PAX7: variants seen among roughly 807,000 people sequenced by gnomAD.
PAX7 encodes paired box 7, also known as paired box protein Pax-7.
A neutral mutation model predicts 50.7 loss-of-function variants in PAX7; 18 were observed. The ratio of observed to expected loss-of-function variants is 0.36; its 90% CI spans 0.25 to 0.53. The LOEUF is 0.53. PAX7 is among the 20% of genes least tolerant of loss of function. PAX7 has a pLI of 0.93. For missense variants in PAX7, 644 were observed against 702.9 expected, an observed-to-expected ratio of 0.92 and a Z score of 0.95; for synonymous variants, 310 against 290.4, an observed-to-expected ratio of 1.07 and a Z score of -0.69.
intron 4 of PAX7, among the ~76,000 whole-genome samples, chr1:18,691,535 A>G (rs992054448): frequency 6.6e-6 from 1 of 152,346 alleles, no homozygotes; most frequent in East Asian, 1.9e-4. Flanking sequence ...TATTTAAGCA[A>G]TACTCTAGGG....
chr1:18,686,007 G>A (rs781247600), intron 4 of PAX7, among the ~76,000 whole-genome samples: 18 of 152,282 alleles, frequency 1.2e-4, no homozygotes, highest in Non-Finnish European at 2.2e-4. Context: ...CTTTGACAAC[G>A]CAAATGGCTC....
At chr1:18,660,746 GA>G (rs1163595024) in intron 4 of PAX7, among the ~76,000 whole-genome samples, 1 of 152,060 alleles carries the variant, frequency 6.6e-6, no homozygotes, top group Non-Finnish European at 1.5e-5. Flanking sequence ...AATCCTGAGT[GA>G]AAAAACAGAA....
intron 1 of PAX7, among the ~76,000 whole-genome samples, chr1:18,633,724 T>C (rs1029946214): frequency 6.6e-6 from 1 of 152,114 alleles, no homozygotes; most frequent in Non-Finnish European, 1.5e-5. Context: ...CCTGGGACAG[T>C]TCCACGGCTC....
intron 8 of PAX7, among the ~76,000 whole-genome samples, chr1:18,739,168 A>G (rs187988376): frequency 1.3e-5 from 2 of 152,340 alleles, no homozygotes; most frequent in East Asian, 3.9e-4. Context: ...CCCAGGTTGC[A>G]GGTGCAAAAA....
intron 4 of PAX7, among the ~76,000 whole-genome samples, chr1:18,652,068 C>T (rs898456594): frequency 6.6e-6 from 1 of 151,934 alleles, no homozygotes; most frequent in Non-Finnish European, 1.5e-5. Flanking sequence ...GGCCCCCTGG[C>T]AGGAGGCAGC....
chr1:18,722,995 G>T (rs554999812), intron 7 of PAX7, among the ~76,000 whole-genome samples: 1 of 152,134 alleles, frequency 6.6e-6, no homozygotes, highest in East Asian at 1.9e-4. Context: ...GCACATTCAG[G>T]CACCAATAAG....
At chr1:18,642,766 C>A (rs2088275839) in intron 4 of PAX7, among the ~76,000 whole-genome samples, 1 of 151,992 alleles carries the variant, frequency 6.6e-6, no homozygotes, top group African/African-American at 2.4e-5. Flanking sequence ...ACTCGCCTTC[C>A]CAAATCGAAT....
intron 8 of PAX7, among the ~76,000 whole-genome samples, chr1:18,737,335 C>T (rs557583991): frequency 6.6e-5 from 10 of 152,358 alleles, no homozygotes; most frequent in Admixed American, 2.6e-4. Context: ...GCCCACCCCC[C>T]CAAACCCACT....
At chr1:18,713,717 G>C (rs1442828195) in intron 7 of PAX7, among the ~76,000 whole-genome samples, 6 of 152,194 alleles carry the variant, frequency 3.9e-5, no homozygotes, top group Non-Finnish European at 8.8e-5. Flanking sequence ...AGGAAGTCTA[G>C]AGGAGGGAGG....
In PAX7 at chr1:18,748,755, G is replaced by T. The variant is rs1931554988; in HGVS notation, c.*3826G>T. Reference sequence around the variant, plus strand: ...CACACCATAATTTATTCAGCTATATGGAGTAGTAGACTAGAAAGAGAAACT... The same window carrying T: ...CACACCATAATTTATTCAGCTATATTGAGTAGTAGACTAGAAAGAGAAACT... On this transcript the variant is annotated 3_prime_UTR_variant, in exon 9 of 9. Coordinates refer to ENST00000420770, the MANE Select transcript of PAX7 (RefSeq NM_001135254.2). The T allele has an allele frequency of 1.3e-5, 3 of 227,920 alleles. No homozygotes were observed. The highest frequency in any genetic ancestry group is 2.6e-5 in the Non-Finnish European group (3 of 114,760). The allele number at this position is 227,920 out of a possible 1,614,324, so 14.1% of individuals were successfully genotyped here.
At chr1:18,739,920 G>A (rs538245331) in intron 8 of PAX7, among the ~76,000 whole-genome samples, 14 of 152,176 alleles carry the variant, frequency 9.2e-5, no homozygotes, top group African/African-American at 3.4e-4. Context: ...ACGCTGAAGT[G>A]TGAAAAGAAT....
chr1:18,696,517 C>T (rs529785164), intron 5 of PAX7, among the ~76,000 whole-genome samples: 52 of 152,312 alleles, frequency 3.4e-4, no homozygotes, highest in Non-Finnish European at 7.2e-4. Flanking sequence ...AGGAAAGTAA[C>T]TTCCTAAAGC....
chr1:18,746,742 G>T lies in PAX7; in HGVS notation c.*1813G>T, dbSNP rs190804966. ...TGAGTTCCTCCCTCCTGGGAAGCTG[G>T]GTTGGCAAGATTCTAGGACACTCAC... On this transcript the variant is annotated 3_prime_UTR_variant, in exon 9 of 9. Transcript: ENST00000420770. 2.6e-5 allele frequency: 6 copies of T among 231,874 alleles called. No homozygotes were observed. The East Asian group carries it at 3.7e-4, about 14-fold the overall frequency. 14.4% of individuals were successfully genotyped at this position (231,874 alleles called of 1,614,324 possible). A position where few individuals can be genotyped will look rare whatever the true frequency, so the allele number is the denominator to read the frequency against.
chr1:18,731,136 C>T (rs1477577709), intron 7 of PAX7, among the ~76,000 whole-genome samples: 1 of 152,176 alleles, frequency 6.6e-6, no homozygotes, highest in African/African-American at 2.4e-5. Context: ...GGGGAGAGGC[C>T]TTAGCATTCT....
intron 4 of PAX7, among the ~76,000 whole-genome samples, chr1:18,645,699 T>C (rs999431555): frequency 6.6e-6 from 1 of 152,174 alleles, no homozygotes. Context: ...GCAGGGAGAT[T>C]GTGAGTCTGG....
At chr1:18,717,268 G>T (rs1263994488) in intron 7 of PAX7, among the ~76,000 whole-genome samples, 1 of 152,190 alleles carries the variant, frequency 6.6e-6, no homozygotes, top group Non-Finnish European at 1.5e-5. Flanking sequence ...CCGCTCGCTC[G>T]TCCAGTCTTG....
At chr1:18,706,071 G>A (rs977231229) in intron 7 of PAX7, among the ~76,000 whole-genome samples, 3 of 152,184 alleles carry the variant, frequency 2.0e-5, no homozygotes, top group Admixed American at 6.5e-5. Context: ...CGAGCAGGGC[G>A]GGAGTTTCTG....
chr1:18,724,692 C>G (rs1473937290), intron 7 of PAX7, among the ~76,000 whole-genome samples: 1 of 152,228 alleles, frequency 6.6e-6, no homozygotes, highest in African/African-American at 2.4e-5. Context: ...ATCCAACCCC[C>G]AGTGCTTACT....
chr1:18,717,209 G>A (rs750948005), intron 7 of PAX7, among the ~76,000 whole-genome samples: 30 of 152,266 alleles, frequency 2.0e-4, no homozygotes, highest in Non-Finnish European at 3.2e-4. Context: ...GCCCGGGCCT[G>A]GGATCCCGAG....
Sources: gnomAD v4.1 joint callset for allele counts (sites outside exome capture counted in the v4.1 genomes callset) on GRCh38, gnomAD v4.1.1 for gene constraint, MANE v1.5 for transcripts, NCBI Gene and HGNC (gene_info 2026-07-23, HGNC 2026-07-21) for gene names.